The following YWHAQ variants were observed in gnomAD, a reference collection of about 807,000 sequenced individuals.
YWHAQ encodes the protein 14-3-3 protein theta.
Under a neutral mutation model 28.3 loss-of-function variants are expected in YWHAQ, and 6 were observed. That is an observed-to-expected ratio of 0.21 (90% CI 0.12 to 0.42). The LOEUF is 0.42. Ranked by LOEUF, YWHAQ falls within the 10% of genes least tolerant of loss-of-function variation. The probability of loss-of-function intolerance (pLI) is 1.00; values close to 1 mark genes in which losing one functional copy is unlikely to be tolerated. For synonymous variants in YWHAQ, 143 were observed against 119.1 expected, an observed-to-expected ratio of 1.20 and a Z score of -1.31; for missense variants, 201 against 305.6, an observed-to-expected ratio of 0.66 and a Z score of 2.55.
chr2:9,598,918 G>A (rs992713094), intron 2 of YWHAQ, among the ~76,000 whole-genome samples: 1 of 152,178 alleles, frequency 6.6e-6, no homozygotes, highest in African/African-American at 2.4e-5. Context: ...ACTTAGTGAG[G>A]AAGGCATGTC....
At chr2:9,612,329 C>T (rs1666964701) in intron 2 of YWHAQ, among the ~76,000 whole-genome samples, 1 of 152,180 alleles carries the variant, frequency 6.6e-6, no homozygotes, top group Admixed American at 6.5e-5. Flanking sequence ...CTTCTCAAAA[C>T]CCCCAATGGC....
intron 5 of YWHAQ, among the ~76,000 whole-genome samples, chr2:9,586,231 C>T (rs1666341814): frequency 1.3e-5 from 2 of 152,104 alleles, no homozygotes; most frequent in Admixed American, 6.6e-5. Flanking sequence ...TTGAATTAGA[C>T]AGAATGTTAA....
chr2:9,624,175 G>C (rs1284570316), intron 2 of YWHAQ, among the ~76,000 whole-genome samples: 3 of 152,150 alleles, frequency 2.0e-5, no homozygotes, highest in African/African-American at 4.8e-5. Flanking sequence ...AGGATGGCTC[G>C]AGCCCGGGAG....
chr2:9,600,398 T>A (rs921479116), intron 2 of YWHAQ, among the ~76,000 whole-genome samples: 1 of 152,186 alleles, frequency 6.6e-6, no homozygotes, highest in Non-Finnish European at 1.5e-5. Flanking sequence ...TCAAACAGCA[T>A]CACATGCTAT....
Position 9,630,702 on chromosome 2 carries a change from G to A in YWHAQ, c.-82-168C>T. On this transcript the variant is annotated intron_variant, in intron 1 of 5. Transcript: ENST00000238081. The surrounding 1 kb of genome is among the most constrained non-coding windows in gnomAD (Gnocchi z 5.6). Reference sequence around the variant, plus strand: ...CCCGGGGAGGCCGCGGCCCGCGGCTGGAGGAGGCGGGGGCGGCGCGGAGGC... The same window carrying A: ...CCCGGGGAGGCCGCGGCCCGCGGCTAGAGGAGGCGGGGGCGGCGCGGAGGC... The A allele has an allele frequency of 4.3e-6, 1 of 231,712 alleles. No individual in the cohort carries two copies. The highest frequency in any genetic ancestry group is 1.6e-4 in the South Asian group (1 of 6,408). 14.4% of individuals were successfully genotyped at this position (231,712 alleles called of 1,614,324 possible).
chr2:9,629,937 C>T (rs1008533212), intron 2 of YWHAQ, among the ~76,000 whole-genome samples: 3 of 152,108 alleles, frequency 2.0e-5, no homozygotes, highest in South Asian at 2.1e-4. Flanking sequence ...TGGTAGCTAC[C>T]CAGCATCTGG....
chr2:9,591,257 T>C, intron 3 of YWHAQ, 135 bp downstream of exon 3: 3 of 1,080,436 alleles, frequency 2.8e-6, no homozygotes, highest in Non-Finnish European at 3.8e-6. Flanking sequence ...CATAAGGTAA[T>C]ACTAATTTTC....
rs559335442 is a variant in YWHAQ at position 9,617,204 on chromosome 2, C to T, written c.294+12955G>A. On this transcript the variant is annotated intron_variant, in intron 2 of 5. Transcript: ENST00000238081. ...GTCTCCATCTCCTGACCTCGTGATCCGCCCGCCTCGGCCTCCCAAAGTGCT... is the reference window on the plus strand; with the variant it reads ...GTCTCCATCTCCTGACCTCGTGATCTGCCCGCCTCGGCCTCCCAAAGTGCT... Among the ~76,000 whole-genome samples, 54 of 151,860 alleles carry T rather than the reference C, an allele frequency of 3.6e-4. 1 individual carries two copies. The highest frequency in any genetic ancestry group is 8.7e-4 in the African/African-American group (36 of 41,394).
intron 2 of YWHAQ, among the ~76,000 whole-genome samples, chr2:9,606,139 T>C (rs1399330101): frequency 6.6e-6 from 1 of 152,216 alleles, no homozygotes; most frequent in African/African-American, 2.4e-5. Context: ...ATGCACCAAA[T>C]GTACACTTGA....
chr2:9,599,080 A>G (rs1385748966), intron 2 of YWHAQ, among the ~76,000 whole-genome samples: 1 of 152,190 alleles, frequency 6.6e-6, no homozygotes, highest in East Asian at 1.9e-4. Flanking sequence ...ATATGGAGAA[A>G]ACTTTATGTG....
intron 2 of YWHAQ, among the ~76,000 whole-genome samples, chr2:9,618,286 C>T (rs924465520): frequency 6.6e-6 from 1 of 152,098 alleles, no homozygotes; most frequent in Admixed American, 6.5e-5. Flanking sequence ...TGTAAACTGA[C>T]ACTCCAAGTT....
At chr2:9,600,853 A>G (rs1416150809) in intron 2 of YWHAQ, among the ~76,000 whole-genome samples, 1 of 152,248 alleles carries the variant, frequency 6.6e-6, no homozygotes, top group African/African-American at 2.4e-5. Context: ...AAGACCCTCC[A>G]CCAGCAAAAA....
chr2:9,614,336 T>C (rs1667005314), intron 2 of YWHAQ, among the ~76,000 whole-genome samples: 1 of 152,242 alleles, frequency 6.6e-6, no homozygotes, highest in African/African-American at 2.4e-5. Context: ...CCAAAGTCTA[T>C]ACACACTTTC....
intron 5 of YWHAQ, among the ~76,000 whole-genome samples, chr2:9,586,502 T>G (rs1191256433): frequency 2.0e-5 from 3 of 152,198 alleles, no homozygotes; most frequent in Non-Finnish European, 4.4e-5. Flanking sequence ...GATAGTTAGC[T>G]CCAAGGTATA....
chr2:9,594,288 C>T (rs1666524379), intron 2 of YWHAQ, among the ~76,000 whole-genome samples: 1 of 152,180 alleles, frequency 6.6e-6, no homozygotes, highest in South Asian at 2.1e-4. Context: ...AACTGAGACA[C>T]TCGAATCTTA....
chr2:9,627,887 C>A (rs146165804), intron 2 of YWHAQ, among the ~76,000 whole-genome samples: 1 of 152,276 alleles, frequency 6.6e-6, no homozygotes, highest in East Asian at 1.9e-4. Context: ...CCAGCCTCTT[C>A]CCTCAACGTT....
At chr2:9,601,290 C>A (rs1046719658) in intron 2 of YWHAQ, among the ~76,000 whole-genome samples, 1 of 151,986 alleles carries the variant, frequency 6.6e-6, no homozygotes, top group African/African-American at 2.4e-5. Flanking sequence ...GGTGAAACCC[C>A]GTCTCTACTA....
At chr2:9,593,265 A>G (rs1247684446) in intron 2 of YWHAQ, among the ~76,000 whole-genome samples, 1 of 140,534 alleles carries the variant, frequency 7.1e-6, no homozygotes, top group Non-Finnish European at 1.5e-5. Flanking sequence ...TTTGAGACAA[A>G]GTCTCACTCT....
rs552734918 is a variant in YWHAQ at position 9,612,531 on chromosome 2, C to T, written c.294+17628G>A. Among the ~76,000 whole-genome samples, 5 of 152,308 alleles carry T rather than the reference C, an allele frequency of 3.3e-5. No homozygotes were observed. In the South Asian group the frequency reaches 1.0e-3, roughly 32 times the overall value. On this transcript the variant is annotated intron_variant, in intron 2 of 5. Transcript: ENST00000238081. The stretch of plus-strand genomic sequence containing the variant: ...AAGATTGTTATTCTGTGTGCCATTA[C>T]ACAAAAGGAGTTGGGAAGCATTGTC...
Sources: allele counts gnomAD v4.1 joint callset (sites outside exome capture counted in the v4.1 genomes callset), GRCh38; gene constraint gnomAD v4.1.1; non-coding constraint Gnocchi (gnomAD v3.1); transcripts MANE v1.5; gene names NCBI Gene and HGNC (gene_info 2026-07-23, HGNC 2026-07-21).